The following ARHGAP6 variants were observed in gnomAD, a reference collection of about 807,000 sequenced individuals.
ARHGAP6 encodes rho GTPase-activating protein 6.
In ARHGAP6, 16 loss-of-function variants were observed where a neutral mutation model predicts 55.7. That is an observed-to-expected ratio of 0.29 (90% confidence interval 0.19 to 0.44). ARHGAP6 has a LOEUF of 0.44. Ranked by LOEUF, ARHGAP6 falls within the 20% of genes least tolerant of loss-of-function variation. The probability of loss-of-function intolerance (pLI) is 1.00; values close to 1 mark genes in which losing one functional copy is unlikely to be tolerated. For synonymous variants in ARHGAP6, 382 were observed against 360.9 expected, an observed-to-expected ratio of 1.06 and a Z score of -0.66; for missense variants, 698 against 808.9, an observed-to-expected ratio of 0.86 and a Z score of 1.66.
At chrX:11,509,760 C>T (rs779856546) in intron 1 of ARHGAP6, among the ~76,000 whole-genome samples, 3 of 112,217 alleles carry the variant, frequency 2.7e-5, no homozygotes, top group Non-Finnish European at 3.8e-5. Flanking sequence ...ACATAAGACA[C>T]TTTGTCCTGT....
intron 1 of ARHGAP6, 97 bp downstream of exon 1, chrX:11,664,144 G>T: frequency 2.4e-6 from 2 of 834,836 alleles, no homozygotes; most frequent in Non-Finnish European, 3.3e-6. Context: ...CTTAGTGGGT[G>T]CCTTGCTCTG....
intron 2 of ARHGAP6, among the ~76,000 whole-genome samples, chrX:11,229,087 C>T (rs1180590835): frequency 1.8e-5 from 2 of 112,077 alleles, no homozygotes; most frequent in Admixed American, 9.5e-5. Context: ...AAAGCACAGG[C>T]ATGGAACAGT....
At chrX:11,542,274 A>G (rs1440306444) in intron 1 of ARHGAP6, among the ~76,000 whole-genome samples, 1 of 110,535 alleles carries the variant, frequency 9.0e-6, no homozygotes, top group Non-Finnish European at 1.9e-5. Context: ...GGGTTTGAAA[A>G]CAGCCTGACC....
At chrX:11,627,570 G>A (rs986513000) in intron 1 of ARHGAP6, among the ~76,000 whole-genome samples, 2 of 110,960 alleles carry the variant, frequency 1.8e-5, no homozygotes, top group African/African-American at 6.5e-5. Context: ...ATAATACACA[G>A]GTCACAATAA....
At chrX:11,481,848 T>C (rs1282278863) in intron 1 of ARHGAP6, among the ~76,000 whole-genome samples, 1 of 112,263 alleles carries the variant, frequency 8.9e-6, no homozygotes, top group Admixed American at 9.4e-5. Context: ...GGAGAGGAAA[T>C]TCTGAATACA....
chrX:11,542,520 A>G (rs2051168887), intron 1 of ARHGAP6, among the ~76,000 whole-genome samples: 1 of 111,202 alleles, frequency 9.0e-6, no homozygotes, highest in Admixed American at 9.5e-5. Context: ...GAAAATAAAA[A>G]GAGAGAATTG....
At chrX:11,143,078 G>A (rs369758115) in intron 11 of ARHGAP6, 7 of 111,703 alleles carry the variant, frequency 6.3e-5, no homozygotes, top group African/African-American at 2.3e-4. Context: ...AATATTTATG[G>A]AGTAAGGCAC....
At chrX:11,162,519 G>A (rs1292595524) in intron 9 of ARHGAP6, among the ~76,000 whole-genome samples, 1 of 110,808 alleles carries the variant, frequency 9.0e-6, no homozygotes, top group Non-Finnish European at 1.9e-5. Flanking sequence ...CCCTCACCCC[G>A]TCATTCACTT....
In ARHGAP6 at chrX:11,506,766, G is replaced by A. The variant is rs750777945; in HGVS notation, c.588+157475C>T. 4.0e-3 allele frequency among the ~76,000 whole-genome samples: 440 copies of A among 111,265 alleles called. 6 individuals are homozygous for A. Among genetic ancestry groups the A allele is most frequent in the African/African-American group, 0.014 (427 of 30,564 alleles). On this transcript the variant is annotated intron_variant, in intron 1 of 12. Coordinates refer to ENST00000337414, the MANE Select transcript of ARHGAP6 (RefSeq NM_013427.3). Reference sequence around the variant, plus strand: ...TTGGGTATATACCCAGTAATGGGATGGCTGGGTCAAATGGTATTTCTAGTT... The same window carrying A: ...TTGGGTATATACCCAGTAATGGGATAGCTGGGTCAAATGGTATTTCTAGTT...
intron 1 of ARHGAP6, among the ~76,000 whole-genome samples, chrX:11,468,113 T>C (rs765014232): frequency 8.1e-5 from 9 of 111,418 alleles, no homozygotes; most frequent in Admixed American, 4.8e-4. Flanking sequence ...GAGATCATGA[T>C]TGGGCACAAG....
chrX:11,580,255 CT>C (rs2051650363), intron 1 of ARHGAP6, among the ~76,000 whole-genome samples: 1 of 112,251 alleles, frequency 8.9e-6, no homozygotes, highest in South Asian at 3.7e-4. Flanking sequence ...CAAACTTGTG[CT>C]TTTCATTGCT....
chrX:11,388,407 T>C (rs1423634860), intron 1 of ARHGAP6, among the ~76,000 whole-genome samples: 1 of 112,160 alleles, frequency 8.9e-6, no homozygotes, highest in African/African-American at 3.3e-5. Flanking sequence ...GGTTGTTTGT[T>C]TTTTTCTTGT....
chrX:11,334,054 C>T (rs1047017395), intron 1 of ARHGAP6, among the ~76,000 whole-genome samples: 3 of 109,814 alleles, frequency 2.7e-5, no homozygotes, highest in Admixed American at 9.7e-5. Context: ...TGCCCAATGT[C>T]GCTACATGTT....
At chrX:11,378,177 G>A (rs937152163) in intron 1 of ARHGAP6, among the ~76,000 whole-genome samples, 2 of 112,481 alleles carry the variant, frequency 1.8e-5, no homozygotes, top group Non-Finnish European at 3.8e-5. Flanking sequence ...AGGGACTATG[G>A]AACATAACTG....
At chrX:11,660,517 A>C (rs1051595532) in intron 1 of ARHGAP6, among the ~76,000 whole-genome samples, 1 of 78,733 alleles carries the variant, frequency 1.3e-5, no homozygotes, top group African/African-American at 4.7e-5. Context: ...ACAGGGTGAG[A>C]CTCTCTCTCT....
At chrX:11,398,460 T>C (rs2049508621) in intron 1 of ARHGAP6, among the ~76,000 whole-genome samples, 4 of 111,105 alleles carry the variant, frequency 3.6e-5, no homozygotes, top group Admixed American at 2.9e-4. Context: ...ATTGTTAAAA[T>C]TGACATGATT....
chrX:11,400,448 A>G (rs1241813762), intron 1 of ARHGAP6, among the ~76,000 whole-genome samples: 1 of 110,117 alleles, frequency 9.1e-6, no homozygotes, highest in Non-Finnish European at 1.9e-5. Flanking sequence ...CAGTCATGAA[A>G]AAAAAAAGAA....
At chrX:11,641,879 A>G (rs1292991534) in intron 1 of ARHGAP6, among the ~76,000 whole-genome samples, 1 of 111,833 alleles carries the variant, frequency 8.9e-6, no homozygotes, top group African/African-American at 3.2e-5. Flanking sequence ...GCATTTAATT[A>G]TCAATCATAT....
At chrX:11,473,234 G>T (rs747079744) in intron 1 of ARHGAP6, among the ~76,000 whole-genome samples, 8 of 111,130 alleles carry the variant, frequency 7.2e-5, no homozygotes, top group Non-Finnish European at 1.3e-4. Flanking sequence ...GTACATACAG[G>T]GGTCAAAAAT....
Sources: allele counts gnomAD v4.1 joint callset (sites outside exome capture counted in the v4.1 genomes callset), GRCh38; gene constraint gnomAD v4.1.1; transcripts MANE v1.5; gene names NCBI Gene and HGNC (gene_info 2026-07-23, HGNC 2026-07-21).